CPEB3: variants seen among roughly 807,000 people sequenced by gnomAD.
The protein encoded by CPEB3 is cytoplasmic polyadenylation element-binding protein 3.
CPEB3 carries 20 observed loss-of-function variants against 67.2 expected under a neutral mutation model. The observed-to-expected ratio is 0.30, with a 90% CI of 0.21 to 0.43. The LOEUF (loss-of-function observed/expected upper bound fraction) is 0.43. CPEB3 is among the 20% of genes least tolerant of loss of function. CPEB3 has a pLI of 1.00. For missense variants in CPEB3, 746 were observed against 968.6 expected (o/e 0.77, Z 3.05); for synonymous variants, 376 against 393.1 (o/e 0.96, Z 0.51).
chr10:92,229,485 G>A (rs1157709605), intron 2 of CPEB3, among the ~76,000 whole-genome samples: 1 of 152,184 alleles, frequency 6.6e-6, no homozygotes, highest in Non-Finnish European at 1.5e-5. Context: ...GTTGATCAAT[G>A]ATGAAGCGAT....
intron 6 of CPEB3, among the ~76,000 whole-genome samples, chr10:92,138,875 G>A (rs999434861): frequency 6.6e-6 from 1 of 152,148 alleles, no homozygotes; most frequent in Non-Finnish European, 1.5e-5. Context: ...AAGGAAATCA[G>A]TATATCAAAG....
At chr10:92,233,540 A>G (rs1851376608) in intron 2 of CPEB3, among the ~76,000 whole-genome samples, 1 of 152,038 alleles carries the variant, frequency 6.6e-6, no homozygotes, top group African/African-American at 2.4e-5. Flanking sequence ...TTAAAAAAAA[A>G]AAAAAAAAGG....
chr10:92,271,141 C>T (rs542806106), intron 1 of CPEB3, among the ~76,000 whole-genome samples: 4 of 152,166 alleles, frequency 2.6e-5, no homozygotes, highest in African/African-American at 9.7e-5. Context: ...CGAGATCGCA[C>T]CACCGCATTC....
chr10:92,226,883 G>A (rs1294372928), intron 2 of CPEB3, among the ~76,000 whole-genome samples: 1 of 151,626 alleles, frequency 6.6e-6, no homozygotes, highest in Non-Finnish European at 1.5e-5. Context: ...AGGGATGGAG[G>A]GAACAGGGAG....
intron 9 of CPEB3, among the ~76,000 whole-genome samples, chr10:92,070,542 C>G (rs1053772241): frequency 2.0e-5 from 3 of 151,796 alleles, no homozygotes; most frequent in African/African-American, 7.3e-5. Flanking sequence ...TTTGGGAGGC[C>G]TAGGAGGGTG....
Position 92,056,455 on chromosome 10 carries a change from G to A in CPEB3, c.1870-4016C>T, listed in dbSNP as rs559918173. Among the ~76,000 whole-genome samples, 45 of 152,240 alleles carry A rather than the reference G, an allele frequency of 3.0e-4. No homozygotes were observed. The South Asian group carries it at 3.7e-3, about 13-fold the overall frequency. ...AGAGCCAAAAATCAGGTAGGCCCTC[G>A]TAGTACCTGGTTTTATCTTCATATT... is the stretch of plus-strand genomic sequence containing the variant. On this transcript the variant is annotated intron_variant, in intron 9 of 9. Transcript: ENST00000265997.
At chr10:92,260,549 C>A (rs1852748576) in intron 1 of CPEB3, among the ~76,000 whole-genome samples, 1 of 135,934 alleles carries the variant, frequency 7.4e-6, no homozygotes, top group Admixed American at 7.0e-5. Context: ...AAAACTCCTT[C>A]TCAAAAAAAA....
intron 6 of CPEB3, among the ~76,000 whole-genome samples, chr10:92,128,746 C>T (rs1265582467): frequency 1.3e-5 from 2 of 152,086 alleles, no homozygotes; most frequent in African/African-American, 2.4e-5. Context: ...TGAAAAAAAG[C>T]TCAATATCGC....
At chr10:92,258,627 TATATATATATATATATATATATATATATA>T (rs1564914022) in intron 1 of CPEB3, among the ~76,000 whole-genome samples, 2 of 5,070 alleles carry the variant, frequency 3.9e-4, no homozygotes, top group African/African-American at 1.1e-3. Context: ...ATTTTTTGAA[TATATATATATATATATATATATATATATA>T]TATATATATA....
intron 3 of CPEB3, among the ~76,000 whole-genome samples, chr10:92,185,499 A>T (rs1848647080): frequency 6.6e-6 from 1 of 152,244 alleles, no homozygotes; most frequent in African/African-American, 2.4e-5. Context: ...TATGTCTATC[A>T]TGATTCAAAG....
chr10:92,148,396 C>T (rs1012041251), intron 4 of CPEB3, among the ~76,000 whole-genome samples: 3 of 152,162 alleles, frequency 2.0e-5, no homozygotes, highest in Admixed American at 2.0e-4. Context: ...CCTATTAATT[C>T]TTCAGGTCTC....
intron 4 of CPEB3, among the ~76,000 whole-genome samples, chr10:92,172,869 C>T (rs1457185248): frequency 1.3e-5 from 2 of 152,150 alleles, no homozygotes; most frequent in East Asian, 1.9e-4. Flanking sequence ...GAGACCACTT[C>T]GTAAACTGCT....
chr10:92,235,055 A>G (rs1851462605), intron 2 of CPEB3, among the ~76,000 whole-genome samples: 1 of 152,266 alleles, frequency 6.6e-6, no homozygotes, highest in Admixed American at 6.5e-5. Context: ...GGCCTGGCCC[A>G]TAGGTAAATG....
At chr10:92,224,993 T>G (rs1033464135) in intron 2 of CPEB3, among the ~76,000 whole-genome samples, 21 of 150,692 alleles carry the variant, frequency 1.4e-4, no homozygotes, top group African/African-American at 3.6e-4. Context: ...TTTTATTTTT[T>G]GAGGTGGAGT....
chr10:92,288,012 G>T (rs559877647), intron 1 of CPEB3, among the ~76,000 whole-genome samples: 1 of 152,184 alleles, frequency 6.6e-6, no homozygotes, highest in East Asian at 1.9e-4. Context: ...CTCTCACTTG[G>T]TATAATGTTT....
chr10:92,270,668 TC>T (rs1443050338), intron 1 of CPEB3, among the ~76,000 whole-genome samples: 1 of 145,672 alleles, frequency 6.9e-6, no homozygotes, highest in East Asian at 2.2e-4. Flanking sequence ...GCTCAAGCAA[TC>T]CTCCCACTTC....
At chr10:92,169,019 C>T (rs1161200035) in intron 4 of CPEB3, among the ~76,000 whole-genome samples, 2 of 150,988 alleles carry the variant, frequency 1.3e-5, no homozygotes, top group Admixed American at 6.6e-5. Flanking sequence ...TGGTCTCAAA[C>T]TCCTCACCTC....
intron 9 of CPEB3, among the ~76,000 whole-genome samples, chr10:92,057,289 C>G (rs567054675): frequency 1.2e-4 from 19 of 152,188 alleles, no homozygotes; most frequent in Non-Finnish European, 2.8e-4. Flanking sequence ...GACTTAAGAG[C>G]CCTAGGGCCT....
In CPEB3 at chr10:92,095,582, TTA is replaced by T. The variant is rs372481233; in HGVS notation, c.1573-3640_1573-3639del. On this transcript the variant is annotated intron_variant, in intron 7 of 9. Coordinates refer to ENST00000265997, the MANE Select transcript of CPEB3 (RefSeq NM_014912.5). The stretch of plus-strand genomic sequence containing the variant: ...TTTGGATATATTTTCTGGTCCTGAT[TTA>T]TATATATATATATATATTTTTTTTT... Among the ~76,000 whole-genome samples, 162 of 122,482 alleles carry T rather than the reference TTA, an allele frequency of 1.3e-3. 2 individuals are homozygous for T. The highest frequency in any genetic ancestry group is 9.3e-3 in the East Asian group (44 of 4,712). 80.4% of individuals were successfully genotyped at this position (122,482 alleles called of 152,430 possible).
Sources: allele counts gnomAD v4.1 joint callset (sites outside exome capture counted in the v4.1 genomes callset), GRCh38; gene constraint gnomAD v4.1.1; transcripts MANE v1.5; gene names NCBI Gene and HGNC (gene_info 2026-07-23, HGNC 2026-07-21).